The following KCTD2 variants were observed in gnomAD, a reference collection of about 807,000 sequenced individuals.
KCTD2 encodes potassium channel tetramerization domain containing 2.
KCTD2 carries 18 observed loss-of-function variants against 27.9 expected under a neutral mutation model. That is an observed-to-expected ratio of 0.64 (90% CI 0.45 to 0.96). KCTD2 has a LOEUF of 0.96. Ranked by LOEUF, KCTD2 falls within the 40% of genes least tolerant of loss-of-function variation. The probability of loss-of-function intolerance (pLI) is 0.00; values close to 1 mark genes in which losing one functional copy is unlikely to be tolerated. For synonymous variants in KCTD2, 175 were observed against 148.4 expected (o/e 1.18, Z -1.30); for missense variants, 280 against 348.0 (o/e 0.80, Z 1.56).
intron 2 of KCTD2, among the ~76,000 whole-genome samples, chr17:75,050,875 C>T (rs1310031101): frequency 6.6e-6 from 1 of 151,520 alleles, no homozygotes; most frequent in African/African-American, 2.4e-5. Context: ...CAGAGTCTAT[C>T]TTATCTTGCC....
intron 1 of KCTD2, among the ~76,000 whole-genome samples, chr17:75,047,902 C>T (rs558787776): frequency 6.6e-6 from 1 of 152,138 alleles, no homozygotes; most frequent in Admixed American, 6.5e-5. Flanking sequence ...CCCCTGACAT[C>T]CCACTGAGAT....
Position 75,047,262 on chromosome 17 carries a change from G to A in KCTD2, c.12G>A (p.Leu4=), listed in dbSNP as rs769212698. The A allele has an allele frequency of 2.1e-6, 2 of 935,200 alleles. No homozygotes were observed. Among genetic ancestry groups the A allele is most frequent in the Non-Finnish European group, 2.6e-6 (2 of 756,264 alleles). The allele number at this position is 935,200 out of a possible 1,614,324, so 57.9% of individuals were successfully genotyped here. MAE[L]QLDPAMAGLG... ...GGCGGCGGTCCAAGATGGCGGAACTGCAGCTGGACCCGGCGATGGCGGGGC... is the reference window on the plus strand; with the variant it reads ...GGCGGCGGTCCAAGATGGCGGAACTACAGCTGGACCCGGCGATGGCGGGGC... Residue 4 remains leucine (L), a synonymous_variant, in exon 1 of 6, where the codon CTG becomes CTA. Coordinates refer to ENST00000322444, the MANE Select transcript of KCTD2 (RefSeq NM_015353.3).
At chr17:75,057,651 C>T (rs950165368) in intron 3 of KCTD2, among the ~76,000 whole-genome samples, 2 of 150,780 alleles carry the variant, frequency 1.3e-5, no homozygotes, top group South Asian at 2.1e-4. Flanking sequence ...CTTCTGCCTC[C>T]GGGGTTCAAG....
chr17:75,038,572 C>A (rs1428851269), intron 3 of KCTD2, among the ~76,000 whole-genome samples: 1 of 152,212 alleles, frequency 6.6e-6, no homozygotes, highest in Non-Finnish European at 1.5e-5. Context: ...CAGGAGCACT[C>A]CCTTGGAACC....
intron 3 of KCTD2, among the ~76,000 whole-genome samples, chr17:75,055,344 C>T (rs2073337921): frequency 6.6e-6 from 1 of 151,952 alleles, no homozygotes; most frequent in Non-Finnish European, 1.5e-5. Context: ...CATGAGGCAC[C>T]ATGCCTGGCA....
intron 3 of KCTD2, 28 bp downstream of exon 3, chr17:75,053,133 G>T (rs60660596): frequency 6.5e-7 from 1 of 1,544,828 alleles, no homozygotes; most frequent in Non-Finnish European, 9.0e-7. Flanking sequence ...GTTAAGGAGG[G>T]TTGTTTCAAG....
Position 75,063,140 on chromosome 17 carries a change from C to G in KCTD2, c.*93C>G, listed in dbSNP as rs1023820835. On this transcript the variant is annotated 3_prime_UTR_variant, in exon 6 of 6. Coordinates refer to ENST00000322444, the MANE Select transcript of KCTD2 (RefSeq NM_015353.3). Reference sequence around the variant, plus strand: ...TCACTCCTGTCCAGTGACCGAGCCACTGCAAAGCACAGCTGATCCTGGCCC... The same window carrying G: ...TCACTCCTGTCCAGTGACCGAGCCAGTGCAAAGCACAGCTGATCCTGGCCC... 8.4e-7 allele frequency: 1 copy of G among 1,193,596 alleles called. No homozygotes were observed. Among genetic ancestry groups the G allele is most frequent in the African/African-American group, 1.5e-5 (1 of 66,232 alleles). 73.9% of individuals were successfully genotyped at this position (1,193,596 alleles called of 1,614,324 possible).
upstream of KCTD2, among the ~76,000 whole-genome samples, chr17:75,044,710 A>T (rs1023214829): frequency 2.0e-5 from 3 of 151,216 alleles, no homozygotes; most frequent in Non-Finnish European, 2.9e-5. Flanking sequence ...ACAGCCACTT[A>T]AAAAAAAAGT....
chr17:75,065,446 C>G lies in KCTD2; in HGVS notation c.*2399C>G, dbSNP rs761290171. 1 of 152,208 alleles carries G rather than the reference C, an allele frequency of 6.6e-6. No individual in the cohort carries two copies. The highest frequency in any genetic ancestry group is 2.4e-5 in the African/African-American group (1 of 41,386). 9.4% of individuals were successfully genotyped at this position (152,208 alleles called of 1,614,324 possible). On this transcript the variant is annotated 3_prime_UTR_variant, in exon 6 of 6. Coordinates refer to ENST00000322444, the MANE Select transcript of KCTD2 (RefSeq NM_015353.3). The stretch of plus-strand genomic sequence containing the variant: ...TGTCACGTGACCAGTGACCCACACT[C>G]TCTGCTGCCCAGTACTGCCAAGTGG...
rs540147730 is a variant in KCTD2, at chr17:75,065,257, A to G, written c.*2210A>G. The stretch of plus-strand genomic sequence containing the variant: ...TCCCTCCTCGCTGCAACCCAATGAC[A>G]CCTGTATTGTTCCAGCGCTCCAGGA... On this transcript the variant is annotated 3_prime_UTR_variant, in exon 6 of 6. Transcript: ENST00000322444. The G allele has an allele frequency of 6.6e-6, 1 of 151,968 alleles. No homozygotes were observed. The highest frequency in any genetic ancestry group is 1.5e-5 in the Non-Finnish European group (1 of 67,962). 9.4% of individuals were successfully genotyped at this position (151,968 alleles called of 1,614,324 possible).
intron 3 of KCTD2, among the ~76,000 whole-genome samples, chr17:75,037,952 G>A (rs2073119791): frequency 6.6e-6 from 1 of 151,954 alleles, no homozygotes. Flanking sequence ...AGGAGGCTAA[G>A]GCAGGAGAAT....
At chr17:75,036,027 A>G (rs1021796608) in intron 3 of KCTD2, 1 of 454,344 alleles carries the variant, frequency 2.2e-6, no homozygotes, top group African/African-American at 2.0e-5. Context: ...ACTTGGACAT[A>G]GGGGAGAATA....
At chr17:75,060,005 C>G (rs1461325684) in intron 4 of KCTD2, among the ~76,000 whole-genome samples, 1 of 152,134 alleles carries the variant, frequency 6.6e-6, no homozygotes, top group Non-Finnish European at 1.5e-5. Flanking sequence ...CTTATGTAAT[C>G]CACCGTGAAG....
At chr17:75,046,176 G>A (rs1158911611), upstream of KCTD2, among the ~76,000 whole-genome samples, 1 of 152,196 alleles carries the variant, frequency 6.6e-6, no homozygotes, top group East Asian at 1.9e-4. Flanking sequence ...TCCGCCTCCC[G>A]GGTTCAAGCG....
At chr17:75,034,857 C>T (rs2040099047) in intron 2 of KCTD2, among the ~76,000 whole-genome samples, 1 of 152,082 alleles carries the variant, frequency 6.6e-6, no homozygotes, top group Admixed American at 6.5e-5. Context: ...AGAGCCCGAC[C>T]ACAAAGGAAC....
chr17:75,039,659 G>A (rs1196977169), intron 3 of KCTD2: 4 of 272,914 alleles, frequency 1.5e-5, no homozygotes, highest in African/African-American at 6.6e-5. Context: ...CAAATAATTA[G>A]GTATTTGAAT....
chr17:75,059,415 C>T, intron 3 of KCTD2, 95 bp from the exon 4 acceptor site: 1 of 689,076 alleles, frequency 1.5e-6, no homozygotes, highest in Non-Finnish European at 2.3e-6. Flanking sequence ...AAGCAAACTC[C>T]TTTTCAGTGT....
chr17:75,059,413 T>C (rs2073381605), intron 3 of KCTD2, 97 bp from the exon 4 acceptor site: 2 of 653,206 alleles, frequency 3.1e-6, no homozygotes, highest in South Asian at 6.5e-5. Context: ...CCAAGCAAAC[T>C]CCTTTTCAGT....
intron 5 of KCTD2, 39 bp downstream of exon 5, chr17:75,062,284 C>T (rs772732144): frequency 1.4e-5 from 23 of 1,587,498 alleles, no homozygotes; most frequent in Non-Finnish European, 2.0e-5. Flanking sequence ...CTCTGGCTTG[C>T]TTGTTCGCAC....
Sources: allele counts gnomAD v4.1 joint callset (sites outside exome capture counted in the v4.1 genomes callset), GRCh38; gene constraint gnomAD v4.1.1; transcripts MANE v1.5; gene names NCBI Gene and HGNC (gene_info 2026-07-23, HGNC 2026-07-21).